Variants in SH3GL2 observed in about 807,000 individuals in gnomAD.
SH3GL2 encodes endophilin-A1.
Under a neutral mutation model 46.0 loss-of-function variants are expected in SH3GL2, and 24 were observed. The ratio of observed to expected loss-of-function variants is 0.52; its 90% CI spans 0.38 to 0.73. The LOEUF (loss-of-function observed/expected upper bound fraction) is 0.73. Ranked by LOEUF, SH3GL2 falls within the 30% of genes least tolerant of loss-of-function variation. The pLI is 0.00. For missense variants in SH3GL2, 413 were observed against 424.2 expected, an observed-to-expected ratio of 0.97 and a Z score of 0.23; for synonymous variants, 196 against 147.1, an observed-to-expected ratio of 1.33 and a Z score of -2.40.
At chr9:17,727,730 T>C (rs1822059531) in intron 1 of SH3GL2, among the ~76,000 whole-genome samples, 1 of 152,298 alleles carries the variant, frequency 6.6e-6, no homozygotes, top group Non-Finnish European at 1.5e-5. Context: ...AGGCATGTTC[T>C]TCATGGTCCC....
At chr9:17,721,677 T>C (rs1276139946) in intron 1 of SH3GL2, among the ~76,000 whole-genome samples, 1 of 152,104 alleles carries the variant, frequency 6.6e-6, no homozygotes, top group East Asian at 1.9e-4. Context: ...TACATGTTCC[T>C]CACTATATAT....
At chr9:17,682,471 A>G (rs922734316) in intron 1 of SH3GL2, among the ~76,000 whole-genome samples, 1 of 152,092 alleles carries the variant, frequency 6.6e-6, no homozygotes, top group Admixed American at 6.6e-5. Flanking sequence ...AGAAAATCAA[A>G]CACTACGTGT....
At chr9:17,592,903 G>C (rs554777067) in intron 1 of SH3GL2, among the ~76,000 whole-genome samples, 1 of 152,126 alleles carries the variant, frequency 6.6e-6, no homozygotes, top group Non-Finnish European at 1.5e-5. Context: ...CCTCCTTAGA[G>C]GGGAAAGGGG....
At chr9:17,638,534 T>C (rs761743908) in intron 1 of SH3GL2, among the ~76,000 whole-genome samples, 36 of 152,162 alleles carry the variant, frequency 2.4e-4, no homozygotes, top group Non-Finnish European at 4.7e-4. Flanking sequence ...TAGAAAATTA[T>C]TTTGGATAGA....
intron 1 of SH3GL2, among the ~76,000 whole-genome samples, chr9:17,657,896 G>T (rs1267775475): frequency 6.6e-6 from 1 of 152,152 alleles, no homozygotes; most frequent in Non-Finnish European, 1.5e-5. Context: ...TACCCTGGCA[G>T]AAGGTTTTCA....
chr9:17,723,778 G>C (rs779665341), intron 1 of SH3GL2, among the ~76,000 whole-genome samples: 2 of 151,952 alleles, frequency 1.3e-5, no homozygotes, highest in Non-Finnish European at 2.9e-5. Context: ...AGAGTGAAAA[G>C]GTACATGCCT....
chr9:17,789,064 G>A (rs556863188), intron 5 of SH3GL2, among the ~76,000 whole-genome samples: 2 of 152,330 alleles, frequency 1.3e-5, no homozygotes, highest in South Asian at 4.1e-4. Flanking sequence ...TGTGTGTAGG[G>A]CATGTGCATT....
chr9:17,617,901 C>T (rs980714413), intron 1 of SH3GL2, among the ~76,000 whole-genome samples: 2 of 152,104 alleles, frequency 1.3e-5, no homozygotes, highest in Admixed American at 6.5e-5. Context: ...GCCCAGTCTC[C>T]AGCTCAAGAC....
At chr9:17,749,492 A>G (rs1413404713) in intron 2 of SH3GL2, among the ~76,000 whole-genome samples, 1 of 152,136 alleles carries the variant, frequency 6.6e-6, no homozygotes, top group Non-Finnish European at 1.5e-5. Context: ...CCACGTGGCC[A>G]ATGTCATGTC....
chr9:17,707,367 G>C (rs920075633), intron 1 of SH3GL2, among the ~76,000 whole-genome samples: 5 of 151,938 alleles, frequency 3.3e-5, no homozygotes, highest in African/African-American at 1.2e-4. Context: ...TATCTTCTAG[G>C]TGTGTTTAAT....
chr9:17,756,870 T>A (rs554169145), intron 2 of SH3GL2, among the ~76,000 whole-genome samples: 14 of 152,280 alleles, frequency 9.2e-5, no homozygotes, highest in African/African-American at 3.4e-4. Context: ...CAAATGGTAT[T>A]TCTAGTTCTA....
intron 1 of SH3GL2, among the ~76,000 whole-genome samples, chr9:17,691,361 G>T (rs149252868): frequency 1.3e-5 from 2 of 152,222 alleles, no homozygotes; most frequent in African/African-American, 4.8e-5. Flanking sequence ...TTGGAAAGAT[G>T]TGTTTTGTGT....
intron 1 of SH3GL2, among the ~76,000 whole-genome samples, chr9:17,730,961 G>T (rs1338805556): frequency 1.3e-5 from 2 of 152,104 alleles, no homozygotes; most frequent in Admixed American, 1.3e-4. Context: ...TAGAGAACGG[G>T]ATGTTTTTAT....
intron 3 of SH3GL2, among the ~76,000 whole-genome samples, chr9:17,784,749 G>C (rs1003942986): frequency 6.6e-6 from 1 of 152,124 alleles, no homozygotes; most frequent in East Asian, 1.9e-4. Context: ...ACAGGCTCTT[G>C]CTGTGTCACC....
chr9:17,679,017 C>T (rs1043881064), intron 1 of SH3GL2, among the ~76,000 whole-genome samples: 1 of 152,134 alleles, frequency 6.6e-6, no homozygotes, highest in Non-Finnish European at 1.5e-5. Context: ...CAGTACCATG[C>T]TGTTTTGGTT....
intron 1 of SH3GL2, among the ~76,000 whole-genome samples, chr9:17,614,041 A>G (rs185378736): frequency 1.2e-4 from 18 of 151,996 alleles, no homozygotes; most frequent in African/African-American, 4.3e-4. Context: ...CCACTCAGTT[A>G]TTTGGCTCTG....
chr9:17,621,015 A>G (rs1197911626), intron 1 of SH3GL2, among the ~76,000 whole-genome samples: 1 of 152,218 alleles, frequency 6.6e-6, no homozygotes, highest in Non-Finnish European at 1.5e-5. Flanking sequence ...AAAGTTTTCC[A>G]GCGTTTAAAG....
chr9:17,723,846 G>T (rs145498050), intron 1 of SH3GL2, among the ~76,000 whole-genome samples: 1 of 151,970 alleles, frequency 6.6e-6, no homozygotes, highest in Middle Eastern at 3.2e-3. Context: ...CATTGTTACA[G>T]ATAAGAAGTC....
intron 1 of SH3GL2, among the ~76,000 whole-genome samples, chr9:17,696,552 AG>A (rs1271905980): frequency 1.3e-5 from 2 of 152,130 alleles, no homozygotes; most frequent in South Asian, 2.1e-4. Context: ...GTGAAGGGGA[AG>A]AAAGGCACCT....
Sources: gnomAD v4.1 joint callset for allele counts (sites outside exome capture counted in the v4.1 genomes callset) on GRCh38, gnomAD v4.1.1 for gene constraint, MANE v1.5 for transcripts, NCBI Gene and HGNC (gene_info 2026-07-23, HGNC 2026-07-21) for gene names.